The following ZNF846 variants were observed in gnomAD, a reference collection of about 807,000 sequenced individuals.
ZNF846 encodes the protein zinc finger protein 420 pseudogene.
ZNF846 carries 15 observed loss-of-function variants against 16.0 expected under a neutral mutation model. The observed-to-expected ratio is 0.94, with a 90% CI of 0.63 to 1.45. The LOEUF is 1.45. ZNF846 is among the 40% of genes most tolerant of loss of function. ZNF846 has a pLI of 0.00. For synonymous variants in ZNF846, 229 were observed against 212.0 expected, an observed-to-expected ratio of 1.08 and a Z score of -0.70; for missense variants, 714 against 622.3, an observed-to-expected ratio of 1.15 and a Z score of -1.57.
chr19:9,770,590 G>T (rs2045381729), upstream of ZNF846, among the ~76,000 whole-genome samples: 1 of 151,470 alleles, frequency 6.6e-6, no homozygotes, highest in African/African-American at 2.4e-5. Context: ...AAGAATAGCT[G>T]GGTGCAGTGG....
chr19:9,754,077 A>AT (rs137984361), downstream of ZNF846, among the ~76,000 whole-genome samples: 2 of 151,398 alleles, frequency 1.3e-5, no homozygotes, highest in South Asian at 2.1e-4. Context: ...GATACATATA[A>AT]TTTTTTTATC....
chr19:9,769,147 C>T (rs1299830022), upstream of ZNF846, among the ~76,000 whole-genome samples: 1 of 152,120 alleles, frequency 6.6e-6, no homozygotes, highest in African/African-American at 2.4e-5. Flanking sequence ...TGCAGTGGCT[C>T]GGTCATAGAT....
chr19:9,760,017 C>A lies in ZNF846; in HGVS notation c.230-75G>T. ...TCGTTTAAAAGCCTATGGGGCTGGG[C>A]GTGGTGGCTCACACCTGTAATCCTA... On this transcript the variant is annotated intron_variant, in intron 4 of 5. Coordinates refer to ENST00000397902, the Ensembl canonical transcript of ZNF846. 4 of 1,109,498 alleles carry A rather than the reference C, an allele frequency of 3.6e-6. No homozygotes were observed. In the Admixed American group the frequency reaches 7.9e-5, roughly 22 times the overall value. The allele number at this position is 1,109,498 out of a possible 1,614,324, so 68.7% of individuals were successfully genotyped here. A position where few individuals can be genotyped will look rare whatever the true frequency, so the allele number is the denominator to read the frequency against.
chr19:9,755,320 A>G (rs115385800), downstream of ZNF846, among the ~76,000 whole-genome samples: 3,791 of 151,696 alleles, frequency 0.025, 295 homozygotes, highest in African/African-American at 0.087. Context: ...GTCCATGACA[A>G]GTCGTCATGG....
upstream of ZNF846, among the ~76,000 whole-genome samples, chr19:9,771,780 CT>C (rs1487331606): frequency 7.2e-6 from 1 of 139,148 alleles, no homozygotes; most frequent in African/African-American, 2.6e-5. Context: ...TTTTTTTTTT[CT>C]TTTTTGAGAT....
intron 2 of ZNF846, among the ~76,000 whole-genome samples, chr19:9,763,900 G>A (rs2045271105): frequency 1.3e-5 from 2 of 152,166 alleles, no homozygotes; most frequent in African/African-American, 4.8e-5. Context: ...TATTGCTACA[G>A]AATAAAAGAT....
chr19:9,769,222 C>T (rs1235162669), upstream of ZNF846, among the ~76,000 whole-genome samples: 1 of 151,970 alleles, frequency 6.6e-6, no homozygotes, highest in African/African-American at 2.4e-5. Context: ...GTAGCTTGGA[C>T]CACAGTTGGG....
downstream of ZNF846, chr19:9,755,453 A>T (rs181814404): frequency 4.0e-5 from 6 of 151,588 alleles, no homozygotes; most frequent in Admixed American, 3.9e-4. Context: ...TCAGATTCAT[A>T]GTTTATTCTT....
intron 1 of ZNF846, among the ~76,000 whole-genome samples, chr19:9,776,272 G>A (rs1471236928): frequency 6.6e-6 from 1 of 152,318 alleles, no homozygotes; most frequent in East Asian, 1.9e-4. Flanking sequence ...AGCCAGGCTT[G>A]CCCACTGTTA....
chr19:9,751,462 G>A (rs532224032), downstream of ZNF846, among the ~76,000 whole-genome samples: 1 of 152,236 alleles, frequency 6.6e-6, no homozygotes, highest in South Asian at 2.1e-4. Context: ...TCAAACCATT[G>A]TGACATCCCC....
At chr19:9,765,631 C>G (rs976654373) in intron 1 of ZNF846, among the ~76,000 whole-genome samples, 1 of 152,156 alleles carries the variant, frequency 6.6e-6, no homozygotes, top group African/African-American at 2.4e-5. Flanking sequence ...CGAGATTGCA[C>G]CACTGCACTC....
downstream of ZNF846, among the ~76,000 whole-genome samples, chr19:9,754,558 C>CCA (rs2045114992): frequency 1.1e-5 from 1 of 89,124 alleles, no homozygotes; most frequent in Non-Finnish European, 1.9e-5. Flanking sequence ...GAGCGAGACT[C>CCA]TGTCTTAAAA....
At chr19:9,754,574 A>C (rs1372193546), downstream of ZNF846, among the ~76,000 whole-genome samples, 1 of 149,834 alleles carries the variant, frequency 6.7e-6, no homozygotes, top group Non-Finnish European at 1.5e-5. Context: ...TAAAAAAAAA[A>C]AAAAAAAAAA....
chr19:9,764,865 G>C (rs1474112634), intron 2 of ZNF846, 71 bp downstream of exon 2: 4 of 1,561,074 alleles, frequency 2.6e-6, no homozygotes, highest in Non-Finnish European at 1.8e-6. Context: ...TTGAATACAC[G>C]ATAACAAGGT....
intron 1 of ZNF846, 49 bp from the exon 2 acceptor site, chr19:9,765,084 T>C: frequency 9.9e-7 from 1 of 1,011,294 alleles, no homozygotes. Context: ...AAAGAAAAAG[T>C]ATTTCAGGCT....
exon 6 of ZNF846, chr19:9,758,579 C>T (rs754385675): frequency 1.2e-6 from 2 of 1,612,498 alleles, no homozygotes; most frequent in East Asian, 2.2e-5. Flanking sequence ...GCATTTTCCC[C>T]TCAGCATGAC....
At chr19:9,784,631 TG>T (rs2045539899) in intron 1 of ZNF846, among the ~76,000 whole-genome samples, 1 of 152,120 alleles carries the variant, frequency 6.6e-6, no homozygotes, top group African/African-American at 2.4e-5. Flanking sequence ...GGTGTCAGGC[TG>T]GGGGACAGTA....
chr19:9,783,536 A>ATATATATAT (rs1340564433), intron 1 of ZNF846, among the ~76,000 whole-genome samples: 105 of 108,292 alleles, frequency 9.7e-4, no homozygotes, highest in Non-Finnish European at 1.4e-3. Flanking sequence ...TAAAAAAAAA[A>ATATATATAT]AAAAAAAAAT....
At chr19:9,760,684 G>C (rs1007296967) in intron 4 of ZNF846, among the ~76,000 whole-genome samples, 4 of 151,304 alleles carry the variant, frequency 2.6e-5, no homozygotes, top group African/African-American at 9.8e-5. Context: ...CTGGGTGACA[G>C]AGTGAGACTC....
Sources: gnomAD v4.1 joint callset for allele counts (sites outside exome capture counted in the v4.1 genomes callset) on GRCh38, gnomAD v4.1.1 for gene constraint, MANE v1.5 for transcripts, NCBI Gene and HGNC (gene_info 2026-07-23, HGNC 2026-07-21) for gene names.